CHRM3: variants seen among roughly 807,000 people sequenced by gnomAD.
CHRM3 encodes the protein muscarinic acetylcholine receptor M3.
Under a neutral mutation model 41.8 loss-of-function variants are expected in CHRM3, and 11 were observed. The observed-to-expected ratio is 0.26, with a 90% confidence interval of 0.17 to 0.44. The LOEUF (loss-of-function observed/expected upper bound fraction) is 0.44, where lower values mean the gene tolerates loss of function less well. Ranked by LOEUF, CHRM3 falls within the 20% of genes least tolerant of loss-of-function variation. The pLI is 1.00. For synonymous variants in CHRM3, 297 were observed against 301.4 expected, an observed-to-expected ratio of 0.99 and a Z score of 0.15; for missense variants, 571 against 745.4, an observed-to-expected ratio of 0.77 and a Z score of 2.72.
At chr1:239,836,699 C>A (rs1267556796) in intron 6 of CHRM3, among the ~76,000 whole-genome samples, 3 of 152,216 alleles carry the variant, frequency 2.0e-5, no homozygotes, top group African/African-American at 7.2e-5. Flanking sequence ...TGGAGGGGGC[C>A]TGGCGTGGTG....
At chr1:239,780,282 A>T (rs547831361) in intron 5 of CHRM3, among the ~76,000 whole-genome samples, 5 of 152,234 alleles carry the variant, frequency 3.3e-5, no homozygotes, top group Admixed American at 6.5e-5. Flanking sequence ...CCATATCCTC[A>T]CCAACATTTG....
chr1:239,514,461 T>C (rs1390613301), intron 2 of CHRM3, among the ~76,000 whole-genome samples: 1 of 152,082 alleles, frequency 6.6e-6, no homozygotes, highest in Non-Finnish European at 1.5e-5. Flanking sequence ...AGCAACTGAC[T>C]TTTATATATT....
At chr1:239,465,311 C>A (rs572945044) in intron 1 of CHRM3, among the ~76,000 whole-genome samples, 18 of 152,176 alleles carry the variant, frequency 1.2e-4, no homozygotes, top group African/African-American at 4.3e-4. Flanking sequence ...AAGCAAAAAT[C>A]TGGAAATGGC....
At chr1:239,404,625 C>T (rs1249771144) in intron 1 of CHRM3, among the ~76,000 whole-genome samples, 2 of 148,002 alleles carry the variant, frequency 1.4e-5, no homozygotes, top group Admixed American at 1.4e-4. Context: ...GTGCTCTTTC[C>T]CACTGAAATA....
At chr1:239,766,106 G>A (rs567773671) in intron 5 of CHRM3, among the ~76,000 whole-genome samples, 65 of 152,180 alleles carry the variant, frequency 4.3e-4, no homozygotes, top group African/African-American at 1.3e-3. Context: ...GAGACACCGC[G>A]CCCGGCCATG....
At chr1:239,533,788 C>T (rs1657920826) in intron 2 of CHRM3, among the ~76,000 whole-genome samples, 1 of 146,104 alleles carries the variant, frequency 6.8e-6, no homozygotes, top group African/African-American at 2.5e-5. Flanking sequence ...CTTGTAAGAA[C>T]TCACTCACCA....
At chr1:239,551,854 A>G (rs1572687280) in intron 3 of CHRM3, among the ~76,000 whole-genome samples, 2 of 152,186 alleles carry the variant, frequency 1.3e-5, no homozygotes, top group African/African-American at 4.8e-5. Flanking sequence ...TTAAGCTAAT[A>G]AAGACAATTT....
chr1:239,822,472 T>C (rs1325630299), intron 5 of CHRM3, among the ~76,000 whole-genome samples: 1 of 152,214 alleles, frequency 6.6e-6, no homozygotes, highest in African/African-American at 2.4e-5. Flanking sequence ...ATTATAATGA[T>C]TTATCTAGCA....
intron 6 of CHRM3, among the ~76,000 whole-genome samples, chr1:239,838,205 G>C (rs1334390886): frequency 6.6e-6 from 1 of 152,118 alleles, no homozygotes; most frequent in African/African-American, 2.4e-5. Flanking sequence ...CTGAAGAAAG[G>C]GGTCTATCAG....
chr1:239,493,857 C>A (rs1667712211), intron 2 of CHRM3, among the ~76,000 whole-genome samples: 1 of 152,112 alleles, frequency 6.6e-6, no homozygotes, highest in Non-Finnish European at 1.5e-5. Context: ...AGGCAGGTCT[C>A]AAAATTGGGG....
intron 4 of CHRM3, among the ~76,000 whole-genome samples, chr1:239,638,590 G>A (rs61834772): frequency 0.027 from 4,184 of 152,168 alleles, 91 homozygotes; most frequent in Admixed American, 0.056. Context: ...CATGTCCTTC[G>A]CCCACTTTTT....
At chr1:239,657,691 A>AAT (rs1171670481) in intron 4 of CHRM3, among the ~76,000 whole-genome samples, 2 of 152,250 alleles carry the variant, frequency 1.3e-5, no homozygotes, top group African/African-American at 4.8e-5. Context: ...AAACCACTTG[A>AAT]ATACACATTT....
intron 4 of CHRM3, among the ~76,000 whole-genome samples, chr1:239,673,172 A>T (rs1674547337): frequency 6.6e-6 from 1 of 152,132 alleles, no homozygotes; most frequent in Admixed American, 6.5e-5. Context: ...CAGAGAATGA[A>T]GGAGTGGGAG....
At chr1:239,765,719 CAGTAT>C (rs1667145631) in intron 5 of CHRM3, among the ~76,000 whole-genome samples, 1 of 151,884 alleles carries the variant, frequency 6.6e-6, no homozygotes, top group Admixed American at 6.6e-5. Flanking sequence ...CTCAAGCAGT[CAGTAT>C]ATTCAGCAAG....
At chr1:239,685,713 AC>A (rs1659070422) in intron 5 of CHRM3, among the ~76,000 whole-genome samples, 1 of 152,010 alleles carries the variant, frequency 6.6e-6, no homozygotes, top group African/African-American at 2.4e-5. Flanking sequence ...TCCCAGCTAC[AC>A]GGGAGGCTGA....
At chr1:239,604,096 C>A (rs1363691149) in intron 3 of CHRM3, among the ~76,000 whole-genome samples, 2 of 152,024 alleles carry the variant, frequency 1.3e-5, no homozygotes, top group Non-Finnish European at 2.9e-5. Flanking sequence ...AATCATTTTT[C>A]TTTGAATTAA....
chr1:239,907,931 G>A lies in CHRM3; in HGVS notation c.480G>A (p.Leu160=), dbSNP rs1280044471. The change falls in exon 7 of 7, where the codon CTG becomes CTA. Residue 160 remains leucine, a synonymous_variant. Transcript: ENST00000676153. This position sits in a 1 kb window ranked among gnomAD's most constrained non-coding sequence, Gnocchi z 5.4. ...VASNASVMNL[L]VISFDRYFSI... ...GCAATGCCTCTGTTATGAATCTTCT[G>A]GTCATCAGCTTTGACAGATACTTTT... The A allele has an allele frequency of 6.2e-7, 1 of 1,614,172 alleles. No individual in the cohort carries two copies. Among genetic ancestry groups the A allele is most frequent in the Non-Finnish European group, 8.5e-7 (1 of 1,180,030 alleles).
chr1:239,614,262 C>G lies in CHRM3; in HGVS notation c.-312-17962C>G, dbSNP rs140309946. Among the ~76,000 whole-genome samples the G allele has an allele frequency of 1.4e-3, 212 of 152,292 alleles. 1 individual carries two copies. The highest frequency in any genetic ancestry group is 5.0e-3 in the African/African-American group (207 of 41,562). On this transcript the variant is annotated intron_variant, in intron 3 of 6. Coordinates refer to ENST00000676153, the MANE Select transcript of CHRM3 (RefSeq NM_001375978.1). ...AGGGTAATTCAGATATTCCTGTATC[C>G]TGCCTGTGCTTTCCTAGAGACCAAG...
In CHRM3 at chr1:239,908,364, A is replaced by G. The variant is rs766178992; in HGVS notation, c.913A>G (p.Arg305Gly). ...ACAGCAAAGCATGAAACGCTCCAACAGGAGGAAGTATGGCCGCTGCCACTT... is the reference window on the plus strand; with the variant it reads ...ACAGCAAAGCATGAAACGCTCCAACGGGAGGAAGTATGGCCGCTGCCACTT... ...LQQQSMKRSNRRKYGRCHFWF... is the reference protein window; with the variant it reads ...LQQQSMKRSNGRKYGRCHFWF... The change falls in exon 7 of 7, where the codon AGG becomes GGG. Residue 305 changes from arginine (R) to glycine (G), a missense_variant. Transcript: ENST00000676153. This position sits in a 1 kb window ranked among gnomAD's most constrained non-coding sequence, Gnocchi z 7.2. The G allele has an allele frequency of 6.2e-7, 1 of 1,614,094 alleles. No individual in the cohort carries two copies. Among genetic ancestry groups the G allele is most frequent in the South Asian group, 1.1e-5 (1 of 91,084 alleles).
Sources: allele counts gnomAD v4.1 joint callset (sites outside exome capture counted in the v4.1 genomes callset), GRCh38; gene constraint gnomAD v4.1.1; non-coding constraint Gnocchi (gnomAD v3.1); transcripts MANE v1.5; gene names NCBI Gene and HGNC (gene_info 2026-07-23, HGNC 2026-07-21).